Variants in LONP2 observed in about 807,000 individuals in gnomAD.
The protein encoded by LONP2 is lon peptidase 2, peroxisomal.
In LONP2, 60 loss-of-function variants were observed where a neutral mutation model predicts 85.6. The ratio of observed to expected loss-of-function variants is 0.70; its 90% CI spans 0.57 to 0.87. The LOEUF is 0.87. Among genes scored for constraint, LONP2 ranks in the 40% least tolerant of loss-of-function variants. The pLI, the probability that LONP2 is intolerant of heterozygous loss-of-function variation, is 0.00. For synonymous variants in LONP2, 395 were observed against 389.7 expected, an observed-to-expected ratio of 1.01 and a Z score of -0.16; for missense variants, 860 against 1,063.5, an observed-to-expected ratio of 0.81 and a Z score of 2.66.
chr16:48,272,515 G>A lies in LONP2; in HGVS notation c.1241+2241G>A, dbSNP rs370528230. 6.6e-5 allele frequency among the ~76,000 whole-genome samples: 10 copies of A among 152,260 alleles called. No individual in the cohort carries two copies. In the South Asian group the frequency reaches 1.7e-3, roughly 25 times the overall value. ...TGACTGTATTAAGAAAATTGAGTCT[G>A]AAGAAAATAAGAATTGACTTTATGG... On this transcript the variant is annotated intron_variant, in intron 7 of 14. Transcript: ENST00000285737.
At position 48,354,380 on chromosome 16, in the gene LONP2, G is replaced by GTATT. The variant is rs1016572080; in HGVS notation, c.*2580_*2583dup. On this transcript the variant is annotated 3_prime_UTR_variant, in exon 15 of 15. Coordinates refer to ENST00000285737, the MANE Select transcript of LONP2 (RefSeq NM_031490.5). ...GTGCCACCACGCCCAGCTAATTTTTGTATTTTTTAGTAGAGACAGGGTTTC... is the reference window on the plus strand; with the variant it reads ...GTGCCACCACGCCCAGCTAATTTTTGTATTTATTTTTTAGTAGAGACAGGGTTTC... 2 of 151,616 alleles carry GTATT rather than the reference G, an allele frequency of 1.3e-5. No homozygotes were observed. The highest frequency in any genetic ancestry group is 4.8e-5 in the African/African-American group (2 of 41,240). 9.4% of individuals were successfully genotyped at this position (151,616 alleles called of 1,614,324 possible).
chr16:48,263,354 C>T (rs1971918129), intron 6 of LONP2, among the ~76,000 whole-genome samples: 1 of 152,174 alleles, frequency 6.6e-6, no homozygotes, highest in African/African-American at 2.4e-5. Flanking sequence ...ATTTCCTTCT[C>T]CTCTCATCCT....
chr16:48,296,722 CAAA>C (rs911933648), intron 9 of LONP2, among the ~76,000 whole-genome samples: 4 of 58,836 alleles, frequency 6.8e-5, no homozygotes, highest in Non-Finnish European at 7.6e-5. Context: ...AACTCCATTT[CAAA>C]AAAAAAAAAA....
chr16:48,266,842 G>A (rs1321595737), intron 6 of LONP2, among the ~76,000 whole-genome samples: 1 of 151,960 alleles, frequency 6.6e-6, no homozygotes, highest in Admixed American at 6.6e-5. Context: ...TGTAATCCTA[G>A]CACTTTGAGA....
rs142470229 is a variant in LONP2 at position 48,254,346 on chromosome 16, A to G, written c.468+1981A>G. Among the ~76,000 whole-genome samples the G allele has an allele frequency of 5.3e-3, 794 of 148,728 alleles. 8 individuals are homozygous for G. Among genetic ancestry groups the G allele is most frequent in the Middle Eastern group, 0.024 (7 of 290 alleles). ...ATTCTGCCTTCAGTTCTCTGCTGGG[A>G]GTGCTCTTCCATCTCTGATTTTTTT... On this transcript the variant is annotated intron_variant, in intron 2 of 14. Transcript: ENST00000285737.
intron 11 of LONP2, among the ~76,000 whole-genome samples, chr16:48,322,425 G>A (rs1275400665): frequency 6.6e-6 from 1 of 152,184 alleles, no homozygotes; most frequent in East Asian, 1.9e-4. Flanking sequence ...CAGTTTCACT[G>A]TCTTCCACTT....
At chr16:48,349,124 A>G (rs1029311968) in intron 14 of LONP2, among the ~76,000 whole-genome samples, 4 of 152,148 alleles carry the variant, frequency 2.6e-5, no homozygotes, top group African/African-American at 4.8e-5. Flanking sequence ...TGCTTATAAA[A>G]ATAGTGTGAT....
chr16:48,293,097 C>T (rs1031169069), intron 8 of LONP2, among the ~76,000 whole-genome samples: 5 of 152,154 alleles, frequency 3.3e-5, no homozygotes, highest in African/African-American at 1.2e-4. Flanking sequence ...ACATATCCAG[C>T]ATATATGAAT....
intron 11 of LONP2, among the ~76,000 whole-genome samples, chr16:48,331,370 T>C (rs1161816336): frequency 6.6e-6 from 1 of 152,100 alleles, no homozygotes; most frequent in African/African-American, 2.4e-5. Flanking sequence ...TAACTCAGAA[T>C]TGCTAGATTT....
chr16:48,279,456 C>T (rs1474553679), intron 8 of LONP2, among the ~76,000 whole-genome samples: 1 of 152,066 alleles, frequency 6.6e-6, no homozygotes, highest in Non-Finnish European at 1.5e-5. Context: ...GAAGGCCTGG[C>T]TGCCATCATT....
intron 12 of LONP2, among the ~76,000 whole-genome samples, chr16:48,335,472 T>G (rs1462447304): frequency 6.6e-6 from 1 of 152,248 alleles, no homozygotes; most frequent in Non-Finnish European, 1.5e-5. Flanking sequence ...CTATAACTGC[T>G]AAGGGCATTG....
chr16:48,337,353 T>C (rs1443654133), intron 12 of LONP2, among the ~76,000 whole-genome samples: 1 of 152,210 alleles, frequency 6.6e-6, no homozygotes, highest in African/African-American at 2.4e-5. Flanking sequence ...TGTTTTGGAA[T>C]GGGAGAGGCT....
At position 48,334,116 on chromosome 16, in the gene LONP2, C is replaced by CTT; in HGVS notation, c.1796-97_1796-96dup. The CTT allele has an allele frequency of 2.8e-6, 3 of 1,057,436 alleles. No individual in the cohort carries two copies. The East Asian group carries it at 7.4e-5, about 26-fold the overall frequency. 65.5% of individuals were successfully genotyped at this position (1,057,436 alleles called of 1,614,324 possible). A position where few individuals can be genotyped will look rare whatever the true frequency, so the allele number is the denominator to read the frequency against. ...TGATAAATGCATAAAAGTGACTGAA[C>CTT]TTTTGAGGTCCACTGGGCTTTTGTT... On this transcript the variant is annotated intron_variant, in intron 11 of 14. Coordinates refer to ENST00000285737, the MANE Select transcript of LONP2 (RefSeq NM_031490.5).
At chr16:48,347,413 C>T in intron 12 of LONP2, 94 bp from the exon 13 acceptor site, 1 of 1,225,594 alleles carries the variant, frequency 8.2e-7, no homozygotes, top group South Asian at 1.3e-5. Context: ...TGGCTGAAGT[C>T]TTCTGTGGAG....
At chr16:48,266,020 T>C (rs1399517977) in intron 6 of LONP2, among the ~76,000 whole-genome samples, 1 of 152,198 alleles carries the variant, frequency 6.6e-6, no homozygotes, top group Non-Finnish European at 1.5e-5. Context: ...ATTTATTTTT[T>C]TGACAGGAGT....
Position 48,303,210 on chromosome 16 carries a change from A to G in LONP2, c.1700A>G (p.Lys567Arg). The change falls in exon 11 of 15, where the codon AAA (lysine) becomes AGA (arginine). Residue 567 changes from lysine (K) to arginine (R), a missense_variant. This residue lies in a region of LONP2 where 743 missense variants were observed against 917.3 expected (regional missense o/e 0.81). Transcript: ENST00000285737. ...REAGVRSLDR[K>R]LGAICRAVAV... Reference sequence around the variant, plus strand: ...GCAGGGGTTCGTTCTCTGGATAGAAAACTTGGGGCCATTTGCCGAGCTGTG... The same window carrying G: ...GCAGGGGTTCGTTCTCTGGATAGAAGACTTGGGGCCATTTGCCGAGCTGTG... The G allele has an allele frequency of 6.2e-7, 1 of 1,614,148 alleles. No individual in the cohort carries two copies. Among genetic ancestry groups the G allele is most frequent in the South Asian group, 1.1e-5 (1 of 91,082 alleles).
At chr16:48,318,886 G>C (rs943942430) in intron 11 of LONP2, among the ~76,000 whole-genome samples, 5 of 152,082 alleles carry the variant, frequency 3.3e-5, no homozygotes, top group African/African-American at 4.8e-5. Flanking sequence ...CCCTAAGCAT[G>C]CTTTATGCTA....
chr16:48,274,651 C>T (rs1007597785), intron 7 of LONP2, among the ~76,000 whole-genome samples: 4 of 151,812 alleles, frequency 2.6e-5, no homozygotes, highest in Non-Finnish European at 5.9e-5. Flanking sequence ...TACACACACA[C>T]ACCCACACAC....
At position 48,270,173 on chromosome 16, in the gene LONP2, T is replaced by TA. The variant is rs1452493341; in HGVS notation, c.1144dup (p.Thr382AsnfsTer25). The TA allele has an allele frequency of 2.5e-6, 4 of 1,613,908 alleles. 1 individual carries two copies. The South Asian group carries it at 3.3e-5, about 13-fold the overall frequency. ...GCTTTGTTGGCCCTCCTGGAGTTGG[T>TA]AAAACAAGTGTGGGAAGATCAGTGG... is the stretch of plus-strand genomic sequence containing the variant. On this transcript the variant is annotated frameshift_variant, in exon 7 of 15. Transcript: ENST00000285737. LOFTEE classifies it high-confidence loss of function.
Sources: allele counts gnomAD v4.1 joint callset (sites outside exome capture counted in the v4.1 genomes callset), GRCh38; gene constraint gnomAD v4.1.1; regional missense constraint gnomAD v4.1.1; transcripts MANE v1.5; gene names NCBI Gene and HGNC (gene_info 2026-07-23, HGNC 2026-07-21).